The following GTF3C2 variants were observed in gnomAD, a reference collection of about 807,000 sequenced individuals.
The protein encoded by GTF3C2 is general transcription factor IIIC subunit 2.
Under a neutral mutation model 117.4 loss-of-function variants are expected in GTF3C2, and 17 were observed. The ratio of observed to expected loss-of-function variants is 0.14; its 90% CI spans 0.10 to 0.22. GTF3C2 has a LOEUF of 0.22. GTF3C2 is among the 10% of genes least tolerant of loss of function. The pLI, the probability that GTF3C2 is intolerant of heterozygous loss-of-function variation, is 1.00. For synonymous variants in GTF3C2, 437 were observed against 427.0 expected (o/e 1.02, Z -0.29); for missense variants, 888 against 1,143.6 (o/e 0.78, Z 3.22).
chr2:27,333,066 G>C (rs543135703), intron 12 of GTF3C2, among the ~76,000 whole-genome samples: 4 of 151,444 alleles, frequency 2.6e-5, no homozygotes, highest in Non-Finnish European at 5.9e-5. Context: ...AGCTGGTCTT[G>C]AACTCCCAGC....
At chr2:27,343,530 C>T (rs755767544) in exon 2 of GTF3C2, 2 of 1,613,998 alleles carry the variant, frequency 1.2e-6, no homozygotes, top group Non-Finnish European at 1.7e-6. Context: ...CCCAGGGCAA[C>T]ATAGCCGACC....
At chr2:27,343,733 T>G in intron 1 of GTF3C2, 155 bp from the exon 2 acceptor site, 7 of 619,500 alleles carry the variant, frequency 1.1e-5, no homozygotes, top group Non-Finnish European at 1.9e-5. Context: ...ACCTTCTATA[T>G]GTCAGGACTG....
At chr2:27,341,585 C>T (rs1461070364) in intron 4 of GTF3C2, 1 of 184,178 alleles carries the variant, frequency 5.4e-6, no homozygotes, top group Non-Finnish European at 1.1e-5. Flanking sequence ...ACTATCATTC[C>T]TCTGTGAAGC....
In GTF3C2 at chr2:27,333,989, C is replaced by G. The variant is rs1485441780; in HGVS notation, c.1587G>C (p.Lys529Asn). ...CCTCACTCACCTTATATATGGCAGG[C>G]TTCACTGCATCTGTGAGGAAAAAGA... is the stretch of plus-strand genomic sequence containing the variant. The change falls in exon 11 of 19, where the codon AAG becomes AAC. Residue 529 changes from lysine (K) to asparagine (N), a missense_variant. By Grantham distance (94) the Lys-to-Asn change is moderately conservative. Coordinates refer to ENST00000264720, the Ensembl canonical transcript of GTF3C2. The G allele has an allele frequency of 6.2e-7, 1 of 1,609,842 alleles. No homozygotes were observed. The highest frequency in any genetic ancestry group is 1.7e-5 in the Admixed American group (1 of 59,938).
intron 1 of GTF3C2, among the ~76,000 whole-genome samples, chr2:27,354,936 T>A (rs530351129): frequency 6.6e-6 from 1 of 152,316 alleles, no homozygotes; most frequent in African/African-American, 2.4e-5. Context: ...CTTCATTAAT[T>A]CATCAATAAA....
chr2:27,351,988 C>G (rs1208822706), intron 1 of GTF3C2, among the ~76,000 whole-genome samples: 1 of 152,208 alleles, frequency 6.6e-6, no homozygotes, highest in Non-Finnish European at 1.5e-5. Flanking sequence ...CTCTTAACCT[C>G]CAAAATCACT....
chr2:27,335,324 T>C (rs1343614949), intron 10 of GTF3C2: 1 of 583,938 alleles, frequency 1.7e-6, no homozygotes, highest in Non-Finnish European at 3.3e-6. Flanking sequence ...CACAGCCAGT[T>C]ACCTGTGGCA....
At chr2:27,326,628 A>G (rs1277190299) in exon 19 of GTF3C2, 2 of 1,429,386 alleles carry the variant, frequency 1.4e-6, no homozygotes, top group Non-Finnish European at 2.0e-6. Flanking sequence ...CATAGGGGCC[A>G]TTTGTTCTTG....
At chr2:27,351,723 C>T (rs1681145877) in intron 1 of GTF3C2, among the ~76,000 whole-genome samples, 1 of 152,104 alleles carries the variant, frequency 6.6e-6, no homozygotes, top group African/African-American at 2.4e-5. Context: ...ATCTTGGATG[C>T]AAAAAATTCC....
chr2:27,346,751 G>A (rs1007217330), intron 1 of GTF3C2, among the ~76,000 whole-genome samples: 1 of 150,610 alleles, frequency 6.6e-6, no homozygotes, highest in Non-Finnish European at 1.5e-5. Context: ...CTAGAATGTG[G>A]TGGTGTGATC....
chr2:27,344,270 C>T (rs1680841803), intron 1 of GTF3C2, among the ~76,000 whole-genome samples: 1 of 152,214 alleles, frequency 6.6e-6, no homozygotes, highest in African/African-American at 2.4e-5. Flanking sequence ...GTGATCCACC[C>T]GCCTCAACCT....
chr2:27,337,078 T>C (rs756771066), intron 7 of GTF3C2, 166 bp downstream of exon 7: 39 of 616,926 alleles, frequency 6.3e-5, no homozygotes, highest in Non-Finnish European at 1.1e-4. Context: ...TAATGAACAC[T>C]ACAAATCAGA....
intron 17 of GTF3C2, 94 bp from the exon 18 acceptor site, chr2:27,327,378 A>G (rs1337266150): frequency 6.5e-6 from 4 of 614,710 alleles, no homozygotes; most frequent in Non-Finnish European, 1.2e-5. Flanking sequence ...GCTGGAGTGC[A>G]GTGGCGCGAT....
chr2:27,355,960 G>A, intron 1 of GTF3C2: 1 of 548,956 alleles, frequency 1.8e-6, no homozygotes, highest in South Asian at 1.6e-5. Context: ...AACTTTTTAA[G>A]TAAGTCAATT....
intron 1 of GTF3C2, among the ~76,000 whole-genome samples, chr2:27,346,775 G>A (rs538609303): frequency 6.6e-6 from 1 of 152,054 alleles, no homozygotes; most frequent in South Asian, 2.1e-4. Flanking sequence ...GCTCACTGCA[G>A]CCACTAACTC....
chr2:27,349,620 T>C (rs564665912), intron 1 of GTF3C2, among the ~76,000 whole-genome samples: 3 of 151,904 alleles, frequency 2.0e-5, no homozygotes, highest in South Asian at 4.2e-4. Context: ...GGGGAAAACA[T>C]TAAATAGGAA....
At chr2:27,348,443 AAAAC>A (rs937804972) in intron 1 of GTF3C2, among the ~76,000 whole-genome samples, 11 of 152,012 alleles carry the variant, frequency 7.2e-5, no homozygotes, top group African/African-American at 1.9e-4. Context: ...CAAAAAACAA[AAAAC>A]AAACAAAAAA....
chr2:27,326,364 C>G lies in GTF3C2; in HGVS notation c.*311G>C. 3 of 495,014 alleles carry G rather than the reference C, an allele frequency of 6.1e-6. No individual in the cohort carries two copies. In the East Asian group the frequency reaches 1.2e-4, roughly 20 times the overall value. 30.7% of individuals were successfully genotyped at this position (495,014 alleles called of 1,614,324 possible). On this transcript the variant is annotated 3_prime_UTR_variant, in exon 19 of 19. Coordinates refer to ENST00000264720, the Ensembl canonical transcript of GTF3C2. ...CAGTACCTTTACTTGGCTTTACCCACTTAACAATATGCTCAATATGAGCAG... is the reference window on the plus strand; with the variant it reads ...CAGTACCTTTACTTGGCTTTACCCAGTTAACAATATGCTCAATATGAGCAG...
chr2:27,345,660 G>A (rs1181102850), intron 1 of GTF3C2, among the ~76,000 whole-genome samples: 4 of 152,006 alleles, frequency 2.6e-5, no homozygotes, highest in African/African-American at 9.7e-5. Flanking sequence ...GATGGGGGTG[G>A]TGGGTAGACT....
Sources: gnomAD v4.1 joint callset for allele counts (sites outside exome capture counted in the v4.1 genomes callset) on GRCh38, gnomAD v4.1.1 for gene constraint, MANE v1.5 for transcripts, NCBI Gene and HGNC (gene_info 2026-07-23, HGNC 2026-07-21) for gene names.